The following ATF6 variants were observed in gnomAD, a reference collection of about 807,000 sequenced individuals.
ATF6 encodes activating transcription factor 6.
ATF6 carries 53 observed loss-of-function variants against 83.6 expected under a neutral mutation model. The ratio of observed to expected loss-of-function variants is 0.63; its 90% CI spans 0.51 to 0.80. The LOEUF (loss-of-function observed/expected upper bound fraction) is 0.80, where lower values mean the gene tolerates loss of function less well. ATF6 is among the 30% of genes least tolerant of loss of function. The pLI, the probability that ATF6 is intolerant of heterozygous loss-of-function variation, is 0.00. For synonymous variants in ATF6, 288 were observed against 285.8 expected, an observed-to-expected ratio of 1.01 and a Z score of -0.08; for missense variants, 744 against 797.9, an observed-to-expected ratio of 0.93 and a Z score of 0.81.
intron 6 of ATF6, among the ~76,000 whole-genome samples, chr1:161,798,904 C>T (rs183078929): frequency 1.7e-3 from 264 of 152,288 alleles, no homozygotes; most frequent in African/African-American, 6.1e-3. Flanking sequence ...GAGATACCAT[C>T]TCACATCAGT....
In ATF6 at chr1:161,791,515, C is replaced by T. The variant is rs1246051497; in HGVS notation, c.462C>T (p.Val154=). 7 of 1,611,696 alleles carry T rather than the reference C, an allele frequency of 4.3e-6. No homozygotes were observed. The Admixed American group carries it at 1.2e-4, about 27-fold the overall frequency. The part of the protein sequence containing the change: ...SAEPLKEDKP[V]TGPRNKTENG... ...AGCCACTGAAGGAAGATAAGCCTGT[C>T]ACTGGTCCTAGGAACAAGACTGGTA... The change falls in exon 5 of 16, where the codon GTC becomes GTT. Residue 154 remains valine, a synonymous_variant. Transcript: ENST00000367942.
At chr1:161,821,976 A>C (rs1301857658) in intron 9 of ATF6, among the ~76,000 whole-genome samples, 1 of 152,202 alleles carries the variant, frequency 6.6e-6, no homozygotes, top group Non-Finnish European at 1.5e-5. Flanking sequence ...GTGGGACATG[A>C]GGAAGAAAAG....
In ATF6 at chr1:161,961,474, A is replaced by C. The variant is rs1689097470; in HGVS notation, c.*2820A>C. 1 of 152,250 alleles carries C rather than the reference A, an allele frequency of 6.6e-6. No individual in the cohort carries two copies. The highest frequency in any genetic ancestry group is 1.5e-5 in the Non-Finnish European group (1 of 68,036). 9.4% of individuals were successfully genotyped at this position (152,250 alleles called of 1,614,324 possible). A position where few individuals can be genotyped will look rare whatever the true frequency, so the allele number is the denominator to read the frequency against. ...AGTAGTCACTTTTTAAATTGCTGGC[A>C]AAGCTATAATTAATCCCTAGGCACA... On this transcript the variant is annotated 3_prime_UTR_variant, in exon 16 of 16. Coordinates refer to ENST00000367942, the MANE Select transcript of ATF6 (RefSeq NM_007348.4).
intron 14 of ATF6, among the ~76,000 whole-genome samples, chr1:161,901,077 A>G (rs1191416185): frequency 4.6e-5 from 7 of 152,156 alleles, no homozygotes; most frequent in Admixed American, 4.6e-4. Context: ...TCTTATCTAT[A>G]ATAAAGCAGA....
chr1:161,769,014 T>C (rs547439558), intron 1 of ATF6, among the ~76,000 whole-genome samples: 1 of 152,358 alleles, frequency 6.6e-6, no homozygotes, highest in African/African-American at 2.4e-5. Flanking sequence ...CTTTCCTTTT[T>C]CTTTTTAACT....
Position 161,959,402 on chromosome 1 carries a change from A to T in ATF6, c.*748A>T, listed in dbSNP as rs1373190431. 1.3e-5 allele frequency: 2 copies of T among 152,282 alleles called. No individual in the cohort carries two copies. Among genetic ancestry groups the T allele is most frequent in the Non-Finnish European group, 2.9e-5 (2 of 68,118 alleles). The allele number at this position is 152,282 out of a possible 1,614,324, so 9.4% of individuals were successfully genotyped here. On this transcript the variant is annotated 3_prime_UTR_variant, in exon 16 of 16. Transcript: ENST00000367942. ...TAATACACATGTTTAAAAGATGGAA[A>T]GTTCACGCCTGTAATCCCAGCACTT...
rs1367230134 is a variant in ATF6, at chr1:161,796,099, C to T, written c.688+3772C>T. Among the ~76,000 whole-genome samples, 11 of 152,240 alleles carry T rather than the reference C, an allele frequency of 7.2e-5. 1 individual carries two copies. In the South Asian group the frequency reaches 1.7e-3, roughly 23 times the overall value. ...ATTCTTCCATCTCCTTTGTGTGATG[C>T]GGTCGTCTCAGCAAGGAGACAGTGG... On this transcript the variant is annotated intron_variant, in intron 6 of 15. Coordinates refer to ENST00000367942, the MANE Select transcript of ATF6 (RefSeq NM_007348.4).
At chr1:161,937,067 A>T (rs543447285) in intron 15 of ATF6, among the ~76,000 whole-genome samples, 2 of 152,314 alleles carry the variant, frequency 1.3e-5, no homozygotes, top group South Asian at 4.1e-4. Context: ...GGACCAAATC[A>T]TCAGAAATAG....
chr1:161,875,404 C>G (rs1375626753), intron 14 of ATF6, among the ~76,000 whole-genome samples: 4 of 151,784 alleles, frequency 2.6e-5, no homozygotes, highest in Non-Finnish European at 4.4e-5. Flanking sequence ...ATACATTGGT[C>G]ATTTGAAAAT....
intron 15 of ATF6, among the ~76,000 whole-genome samples, chr1:161,944,965 T>C (rs1688722321): frequency 6.6e-6 from 1 of 152,234 alleles, no homozygotes; most frequent in African/African-American, 2.4e-5. Context: ...GTGTTTGGCA[T>C]TGTATCTCAT....
At chr1:161,893,553 T>G (rs532019221) in intron 14 of ATF6, among the ~76,000 whole-genome samples, 2 of 152,200 alleles carry the variant, frequency 1.3e-5, no homozygotes, top group Non-Finnish European at 2.9e-5. Context: ...GCCTGAGTCT[T>G]TCAAATCTGT....
rs553291316 is a variant in ATF6 at position 161,929,898 on chromosome 1, T to C, written c.1804+17518T>C. ...TTGGTCTGTGCAGGTACAGGCACTA[T>C]CATCTCTCTCTGTAAAGGGTCAGTA... On this transcript the variant is annotated intron_variant, in intron 15 of 15. Coordinates refer to ENST00000367942, the MANE Select transcript of ATF6 (RefSeq NM_007348.4). Among the ~76,000 whole-genome samples the C allele has an allele frequency of 5.3e-5, 8 of 152,350 alleles. No individual in the cohort carries two copies. In the East Asian group the frequency reaches 1.5e-3, roughly 29 times the overall value.
intron 15 of ATF6, among the ~76,000 whole-genome samples, chr1:161,949,428 G>A (rs1157444729): frequency 1.3e-5 from 2 of 152,168 alleles, no homozygotes; most frequent in Admixed American, 1.3e-4. Context: ...AAATGGGGGT[G>A]TCCAACCTGT....
rs544187580 is a variant in ATF6 at position 161,847,290 on chromosome 1, G to C, written c.1319+710G>C. Among the ~76,000 whole-genome samples, 10 of 152,244 alleles carry C rather than the reference G, an allele frequency of 6.6e-5. No homozygotes were observed. In the South Asian group the frequency reaches 2.1e-3, roughly 32 times the overall value. On this transcript the variant is annotated intron_variant, in intron 10 of 15. Coordinates refer to ENST00000367942, the MANE Select transcript of ATF6 (RefSeq NM_007348.4). The stretch of plus-strand genomic sequence containing the variant: ...TATGGTAACTATTGCACAGTATAAT[G>C]CTTGAAAATTATTACAGATTTGTTT...
intron 9 of ATF6, among the ~76,000 whole-genome samples, chr1:161,829,689 A>G (rs1372652853): frequency 2.0e-5 from 3 of 152,154 alleles, no homozygotes; most frequent in Non-Finnish European, 2.9e-5. Context: ...TATAAACAGA[A>G]CCAAAGACAA....
chr1:161,956,820 A>G (rs1334509108), intron 15 of ATF6, among the ~76,000 whole-genome samples: 1 of 152,358 alleles, frequency 6.6e-6, no homozygotes. Context: ...AATAGAATAT[A>G]TCATCTGCTC....
intron 9 of ATF6, among the ~76,000 whole-genome samples, chr1:161,831,666 A>AC (rs1271286842): frequency 6.6e-6 from 1 of 152,040 alleles, no homozygotes; most frequent in Non-Finnish European, 1.5e-5. Flanking sequence ...GAATCTGGAA[A>AC]CCATCATTCT....
At chr1:161,839,206 C>T (rs558655076) in intron 9 of ATF6, among the ~76,000 whole-genome samples, 4 of 152,160 alleles carry the variant, frequency 2.6e-5, no homozygotes, top group Non-Finnish European at 4.4e-5. Flanking sequence ...GAACCAGGAA[C>T]TAGAACACCC....
chr1:161,852,473 C>T (rs1368861109), intron 11 of ATF6, among the ~76,000 whole-genome samples: 2 of 152,200 alleles, frequency 1.3e-5, no homozygotes, highest in Middle Eastern at 3.4e-3. Context: ...CCCAAAAGAG[C>T]ATGATTTTCA....
Sources: gnomAD v4.1 joint callset for allele counts (sites outside exome capture counted in the v4.1 genomes callset) on GRCh38, gnomAD v4.1.1 for gene constraint, MANE v1.5 for transcripts, NCBI Gene and HGNC (gene_info 2026-07-23, HGNC 2026-07-21) for gene names.